Variants in KRT39 observed in about 807,000 individuals in gnomAD.
The protein encoded by KRT39 is keratin 39.
KRT39 carries 47 observed loss-of-function variants against 54.8 expected under a neutral mutation model. The observed-to-expected ratio is 0.86, with a 90% CI of 0.68 to 1.09. The LOEUF (loss-of-function observed/expected upper bound fraction) is 1.09, where lower values mean the gene tolerates loss of function less well. Among genes scored for constraint, KRT39 ranks in the 50% least tolerant of loss-of-function variants. The probability of loss-of-function intolerance (pLI) is 0.00; values close to 1 mark genes in which losing one functional copy is unlikely to be tolerated. For synonymous variants in KRT39, 207 were observed against 227.9 expected (o/e 0.91, Z 0.83); for missense variants, 580 against 598.5 (o/e 0.97, Z 0.32).
chr17:40,958,724 G>A lies in KRT39; in HGVS notation c.1353C>T (p.Cys451=), dbSNP rs148472277. The change falls in exon 7 of 7, where the codon TGC becomes TGT. Residue 451 remains cysteine (C), a synonymous_variant. Coordinates refer to ENST00000355612, the MANE Select transcript of KRT39 (RefSeq NM_213656.4). ...PCSLKEHCSA[C]GPLSRILVKI... is the part of the protein sequence containing the mutation. ...TAACCAGTATCCGGGACAGGGGTCC[G>A]CAGGCACTGCAGTGCTCCTTTAAGC... 5.3e-5 allele frequency: 85 copies of A among 1,613,952 alleles called. 1 individual carries two copies. Among genetic ancestry groups the A allele is most frequent in the Admixed American group, 2.0e-4 (12 of 59,994 alleles).
chr17:40,959,650 C>A (rs1911055635), intron 6 of KRT39, among the ~76,000 whole-genome samples: 4 of 152,160 alleles, frequency 2.6e-5, no homozygotes, highest in South Asian at 4.1e-4. Flanking sequence ...GTCTCCTTTG[C>A]AATTGTAACT....
chr17:40,960,875 T>C (rs937356487), intron 5 of KRT39, among the ~76,000 whole-genome samples: 1 of 152,228 alleles, frequency 6.6e-6, no homozygotes, highest in Non-Finnish European at 1.5e-5. Context: ...CTCACGCCTA[T>C]AATCCCAGCA....
In KRT39 at chr17:40,958,779, G is replaced by A. The variant is rs778586238; in HGVS notation, c.1298C>T (p.Ala433Val). ...SCKSGAIEST[A>V]PACTSSSPCS... is the part of the protein sequence containing the mutation. ...GGGGGATGAGGATGTGCAAGCTGGGGCCGTGCTTTCTATGGCTCCGGACTT... is the reference window on the plus strand; with the variant it reads ...GGGGGATGAGGATGTGCAAGCTGGGACCGTGCTTTCTATGGCTCCGGACTT... Residue 433 changes from alanine to valine, a missense_variant, in exon 7 of 7, where the codon GCC (alanine) becomes GTC (valine). Coordinates refer to ENST00000355612, the MANE Select transcript of KRT39 (RefSeq NM_213656.4). 5.0e-6 allele frequency: 8 copies of A among 1,613,912 alleles called. No individual in the cohort carries two copies. Among genetic ancestry groups the A allele is most frequent in the East Asian group, 2.2e-5 (1 of 44,872 alleles).
In KRT39 at chr17:40,958,539, T is replaced by C; in HGVS notation, c.*62A>G. ...ACTGGGGAGTTTTCTTAAACCTCTC[T>C]GGCAGGAGCATGTATTGGCCTCTGT... On this transcript the variant is annotated 3_prime_UTR_variant, in exon 7 of 7. Coordinates refer to ENST00000355612, the MANE Select transcript of KRT39 (RefSeq NM_213656.4). 6.5e-7 allele frequency: 1 copy of C among 1,530,892 alleles called. No individual in the cohort carries two copies. The highest frequency in any genetic ancestry group is 1.3e-5 in the South Asian group (1 of 76,444). 94.8% of individuals were successfully genotyped at this position (1,530,892 alleles called of 1,614,324 possible).
At chr17:40,966,298 A>G in intron 1 of KRT39, 91 bp downstream of exon 1, 1 of 1,109,576 alleles carries the variant, frequency 9.0e-7, no homozygotes, top group Non-Finnish European at 1.3e-6. Flanking sequence ...TTCAGCATCA[A>G]CTGAACAAAA....
At chr17:40,960,612 C>G in intron 5 of KRT39, 111 bp from the exon 6 acceptor site, 1 of 724,294 alleles carries the variant, frequency 1.4e-6, no homozygotes, top group East Asian at 2.5e-5. Flanking sequence ...TGATAGATCT[C>G]CAAGCACTTT....
Position 40,963,758 on chromosome 17 carries a change from GGC to G in KRT39, c.575_576del (p.Arg192ProfsTer58). On this transcript the variant is annotated frameshift_variant, in exon 3 of 7. Transcript: ENST00000355612. LOFTEE classifies it high-confidence loss of function. ...CCATTGGCATCTGACTCTACCAGCT[GGC>G]GTAGAGACACCTCAGCTTCGTATCT... The part of the protein sequence containing the change: ...RAKYEAEVSL[R>X]QLVESDANGL... The G allele has an allele frequency of 6.3e-7, 1 of 1,596,044 alleles. No individual in the cohort carries two copies. The highest frequency in any genetic ancestry group is 8.6e-7 in the Non-Finnish European group (1 of 1,165,974).
chr17:40,966,359 C>T, intron 1 of KRT39, 30 bp downstream of exon 1: 2 of 1,483,786 alleles, frequency 1.3e-6, no homozygotes, highest in Non-Finnish European at 9.3e-7. Context: ...TAATTCACAA[C>T]ACGATTAAAC....
chr17:40,959,428 C>T (rs1228273994), intron 6 of KRT39, among the ~76,000 whole-genome samples: 6 of 152,302 alleles, frequency 3.9e-5, no homozygotes, highest in South Asian at 2.1e-4. Flanking sequence ...TTCTGGCTGT[C>T]TATGCATAGT....
In KRT39 at chr17:40,966,069, G is replaced by C. The variant is rs188977700; in HGVS notation, c.468+320C>G. On this transcript the variant is annotated intron_variant, in intron 1 of 6. Coordinates refer to ENST00000355612, the MANE Select transcript of KRT39 (RefSeq NM_213656.4). ...ATCTAATTTTTTTTTGTGTGTGTAT[G>C]TGTGTGTGTGTGTGTGTGTGTGTAA... Among the ~76,000 whole-genome samples, 535 of 97,894 alleles carry C rather than the reference G, an allele frequency of 5.5e-3. 2 individuals are homozygous for C. Among genetic ancestry groups the C allele is most frequent in the Middle Eastern group, 0.014 (3 of 212 alleles). 64.2% of individuals were successfully genotyped at this position (97,894 alleles called of 152,430 possible).
chr17:40,960,158 C>T, intron 6 of KRT39, 123 bp downstream of exon 6: 1 of 788,558 alleles, frequency 1.3e-6, no homozygotes, highest in Non-Finnish European at 2.1e-6. Flanking sequence ...ATGCCTCTGT[C>T]CAAGCTCCCC....
chr17:40,959,390 CTG>C (rs535697594), intron 6 of KRT39, among the ~76,000 whole-genome samples: 147 of 152,354 alleles, frequency 9.6e-4, no homozygotes, highest in Middle Eastern at 3.4e-3. Context: ...AGAGTCCTCA[CTG>C]TGTCATCAGG....
At position 40,958,844 on chromosome 17, in the gene KRT39, T is replaced by A. The variant is rs1392326537; in HGVS notation, c.1233A>T (p.Pro411=). 3.8e-6 allele frequency: 6 copies of A among 1,598,214 alleles called. No individual in the cohort carries two copies. The highest frequency in any genetic ancestry group is 4.3e-6 in the Non-Finnish European group (5 of 1,171,480). ...ESSDGKRPCY[P]RATKCEPSPW... ...GGGAAGGCTCACATTTGGTGGCACG[T>A]GGGTAACAGGGACGCCTAAGGAAAA... Residue 411 remains proline, a synonymous_variant, in exon 7 of 7, where the codon CCA becomes CCT. Transcript: ENST00000355612.
chr17:40,964,567 C>A (rs1911287859), intron 1 of KRT39, 39 bp from the exon 2 acceptor site: 1 of 1,382,346 alleles, frequency 7.2e-7, no homozygotes, highest in African/African-American at 1.4e-5. Context: ...GAAGCAAACA[C>A]CAAGATTTCC....
chr17:40,960,551 G>A lies in KRT39; in HGVS notation c.997-50C>T, dbSNP rs536721467. On this transcript the variant is annotated intron_variant, in intron 5 of 6. Transcript: ENST00000355612. ...TTTATAATGACTCCTTTAAGCCCAG[G>A]TCACCTGTGACCTGTATCATTTAAA... is the stretch of plus-strand genomic sequence containing the variant. The A allele has an allele frequency of 1.0e-5, 14 of 1,392,960 alleles. No homozygotes were observed. The South Asian group carries it at 1.4e-4, about 14-fold the overall frequency. The allele number at this position is 1,392,960 out of a possible 1,614,324, so 86.3% of individuals were successfully genotyped here.
Position 40,964,503 on chromosome 17 carries a change from G to T in KRT39, c.494C>A (p.Ser165Tyr), listed in dbSNP as rs746381325. 2.5e-6 allele frequency: 4 copies of T among 1,613,876 alleles called. No individual in the cohort carries two copies. The South Asian group carries it at 4.4e-5, about 18-fold the overall frequency. The change falls in exon 2 of 7, where the codon TCC (serine) becomes TAC (tyrosine). Residue 165 changes from serine (S) to tyrosine (Y), a missense_variant. Physicochemically the swap from Ser to Tyr is moderately radical, Grantham distance 144. Coordinates refer to ENST00000355612, the MANE Select transcript of KRT39 (RefSeq NM_213656.4). ...QKILCTKAEN[S>Y]RLVSQIDNTK... ...GTTGTCAATTTGCGAGACCAGTCTG[G>T]AATTCTCGGCCTTGGTACACAAGAT... is the stretch of plus-strand genomic sequence containing the variant.
At chr17:40,963,887 G>T in intron 2 of KRT39, 104 bp from the exon 3 acceptor site, 1 of 773,516 alleles carries the variant, frequency 1.3e-6, no homozygotes, top group Non-Finnish European at 2.1e-6. Flanking sequence ...CTCACTTAGT[G>T]TATTTCTATT....
intron 3 of KRT39, 94 bp downstream of exon 3, chr17:40,963,533 C>T: frequency 8.3e-7 from 1 of 1,201,382 alleles, no homozygotes; most frequent in Non-Finnish European, 1.2e-6. Flanking sequence ...CGAACTAATA[C>T]AAGCGGGCAC....
chr17:40,958,901 G>T, intron 6 of KRT39, 42 bp from the exon 7 acceptor site: 1 of 1,294,380 alleles, frequency 7.7e-7, no homozygotes, highest in South Asian at 1.4e-5. Context: ...TTGAGGGAAG[G>T]CGATGATGGT....
Sources: gnomAD v4.1 joint callset for allele counts (sites outside exome capture counted in the v4.1 genomes callset) on GRCh38, gnomAD v4.1.1 for gene constraint, MANE v1.5 for transcripts, NCBI Gene and HGNC (gene_info 2026-07-23, HGNC 2026-07-21) for gene names.